Variants in KIF15 observed in about 807,000 individuals in gnomAD.
KIF15 encodes kinesin family member 15.
A neutral mutation model predicts 190.6 loss-of-function variants in KIF15; 140 were observed. The ratio of observed to expected loss-of-function variants is 0.73; its 90% confidence interval spans 0.64 to 0.84. The LOEUF is 0.84. Among genes scored for constraint, KIF15 ranks in the 40% least tolerant of loss-of-function variants. The probability of loss-of-function intolerance (pLI) is 0.00; values close to 1 mark genes in which losing one functional copy is unlikely to be tolerated. For synonymous variants in KIF15, 528 were observed against 551.3 expected (o/e 0.96, Z 0.59); for missense variants, 1,372 against 1,584.4 (o/e 0.87, Z 2.28).
At chr3:44,862,158 C>T (rs1024393460) in intron 6 of KIF15, 1 of 61,118 alleles carries the variant, frequency 1.6e-5, no homozygotes, top group Non-Finnish European at 3.0e-5. Context: ...TGCGGGCGGG[C>T]GGGCGGGGCG....
chr3:44,793,336 C>G (rs1575600531), intron 7 of KIF15, among the ~76,000 whole-genome samples: 1 of 152,094 alleles, frequency 6.6e-6, no homozygotes, highest in Non-Finnish European at 1.5e-5. Context: ...ACTTTGTAGA[C>G]CAAAAGCTTA....
Position 44,810,918 on chromosome 3 carries a change from A to G in KIF15, c.2044A>G (p.Ser682Gly), listed in dbSNP as rs1350624576. The G allele has an allele frequency of 6.2e-7, 1 of 1,613,894 alleles. No individual in the cohort carries two copies. The highest frequency in any genetic ancestry group is 1.3e-5 in the African/African-American group (1 of 74,908). ...ACCAAAATTAAGCCCTGAAATGGGAAGCTTTGGCTCTCTATACACTCAGAA... is the reference window on the plus strand; with the variant it reads ...ACCAAAATTAAGCCCTGAAATGGGAGGCTTTGGCTCTCTATACACTCAGAA... ...PVPKLSPEMGSFGSLYTQNSS... is the reference protein window; with the variant it reads ...PVPKLSPEMGGFGSLYTQNSS... Residue 682 changes from serine to glycine, a missense_variant, in exon 17 of 35, where the codon AGC becomes GGC. By Grantham distance (56) the Ser-to-Gly change is moderately conservative. Coordinates refer to ENST00000326047, the MANE Select transcript of KIF15 (RefSeq NM_020242.3).
intron 6 of KIF15, chr3:44,863,103 T>A (rs1354999260): frequency 1.3e-5 from 2 of 150,494 alleles, no homozygotes; most frequent in African/African-American, 4.9e-5. Flanking sequence ...GATTTATTAT[T>A]TTTTTTTTAG....
chr3:44,835,359 C>T (rs1189436962), intron 26 of KIF15, among the ~76,000 whole-genome samples: 1 of 152,104 alleles, frequency 6.6e-6, no homozygotes, highest in Non-Finnish European at 1.5e-5. Flanking sequence ...GCCACCTCAG[C>T]CTCCCAAGTA....
chr3:44,810,351 T>C (rs1244070678), intron 16 of KIF15, among the ~76,000 whole-genome samples: 1 of 152,024 alleles, frequency 6.6e-6, no homozygotes, highest in Non-Finnish European at 1.5e-5. Context: ...ACCTGGGCTC[T>C]GGGGATCCTC....
Position 44,801,466 on chromosome 3 carries a change from C to CCA in KIF15, c.1239_1240insCA (p.Tyr414HisfsTer23). 1 of 1,568,986 alleles carries CCA rather than the reference C, an allele frequency of 6.4e-7. No homozygotes were observed. The highest frequency in any genetic ancestry group is 8.8e-7 in the Non-Finnish European group (1 of 1,141,272). On this transcript the variant is annotated frameshift_variant, in exon 12 of 35. Transcript: ENST00000326047. LOFTEE classifies it high-confidence loss of function. The stretch of plus-strand genomic sequence containing the variant: ...CAATTACAGACAAAAAGAAGACTAA[C>CCA]TATATGGAGTATTTCCAGGAAGCAA...
At chr3:44,799,370 C>A (rs973933678) in intron 10 of KIF15, 3 of 455,646 alleles carry the variant, frequency 6.6e-6, no homozygotes, top group African/African-American at 6.0e-5. Flanking sequence ...TAAATTTTTC[C>A]GTGAGCAAAT....
chr3:44,826,373 A>C lies in KIF15; in HGVS notation c.2701-2A>C, dbSNP rs1395747768. 3.7e-6 allele frequency: 6 copies of C among 1,610,924 alleles called. No homozygotes were observed. Among genetic ancestry groups the C allele is most frequent in the Non-Finnish European group, 4.2e-6 (5 of 1,178,466 alleles). On this transcript the variant is annotated splice_acceptor_variant, in intron 21 of 34. Transcript: ENST00000326047. LOFTEE classifies it high-confidence loss of function. ...TACTTAAAATCTAATGTTGTCTTTT[A>C]GAATTTGATGGAGCTTCTTGAGGCA...
chr3:44,838,295 C>A lies in KIF15; in HGVS notation c.3192C>A (p.Asp1064Glu). 6.2e-7 allele frequency: 1 copy of A among 1,613,112 alleles called. No individual in the cohort carries two copies. The highest frequency in any genetic ancestry group is 1.3e-5 in the African/African-American group (1 of 74,948). ...EDIERDMLCE[D>E]LAHATEQLNM... ...AACAGAGGGATATGCTCTGTGAGGA[C>A]CTGGCTCATGCCACTGAGCAGCTGA... Residue 1064 changes from aspartate to glutamate, a missense_variant, in exon 27 of 35, where the codon GAC becomes GAA. Coordinates refer to ENST00000326047, the MANE Select transcript of KIF15 (RefSeq NM_020242.3).
intron 32 of KIF15, among the ~76,000 whole-genome samples, chr3:44,849,436 A>G (rs1698982659): frequency 6.6e-6 from 1 of 152,204 alleles, no homozygotes; most frequent in Non-Finnish European, 1.5e-5. Flanking sequence ...CAGTCTGGGC[A>G]ACATGGTGAA....
At chr3:44,825,731 C>A (rs556969155) in intron 20 of KIF15, among the ~76,000 whole-genome samples, 267 of 152,326 alleles carry the variant, frequency 1.8e-3, no homozygotes, top group Non-Finnish European at 2.9e-3. Flanking sequence ...AGTCTAATCA[C>A]TATAAATTGC....
intron 2 of KIF15, 42 bp from the exon 3 acceptor site, chr3:44,775,212 C>T: frequency 6.6e-7 from 1 of 1,503,890 alleles, no homozygotes; most frequent in Non-Finnish European, 9.1e-7. Context: ...CAGTTTTCTT[C>T]TTCAATAAAC....
chr3:44,778,925 A>G (rs1453314428), intron 4 of KIF15, among the ~76,000 whole-genome samples: 3 of 134,716 alleles, frequency 2.2e-5, no homozygotes, highest in Admixed American at 8.7e-5. Context: ...GGTTGCAGTG[A>G]GCCGAGATTG....
intron 1 of KIF15, among the ~76,000 whole-genome samples, chr3:44,763,492 G>T (rs994237607): frequency 6.6e-6 from 1 of 151,656 alleles, no homozygotes; most frequent in Non-Finnish European, 1.5e-5. Flanking sequence ...AGTAAAGCCG[G>T]GGTTTCACTG....
downstream of KIF15, among the ~76,000 whole-genome samples, chr3:44,853,896 G>T (rs1211356835): frequency 2.0e-5 from 3 of 152,114 alleles, no homozygotes; most frequent in Non-Finnish European, 4.4e-5. Flanking sequence ...AAACCCAAAA[G>T]ACCACATATT....
At chr3:44,767,839 G>A (rs1473093780) in intron 1 of KIF15, among the ~76,000 whole-genome samples, 3 of 146,422 alleles carry the variant, frequency 2.0e-5, no homozygotes, top group African/African-American at 7.6e-5. Context: ...AGCTTGCAGT[G>A]AGCGGAGATT....
intron 30 of KIF15, among the ~76,000 whole-genome samples, chr3:44,846,839 T>A (rs1426526645): frequency 6.6e-6 from 1 of 150,784 alleles, no homozygotes; most frequent in Non-Finnish European, 1.5e-5. Context: ...AAAGAGCTAC[T>A]CAGAACCTTC....
chr3:44,770,248 G>T (rs1332987025), intron 1 of KIF15, among the ~76,000 whole-genome samples: 4 of 152,190 alleles, frequency 2.6e-5, no homozygotes, highest in African/African-American at 4.8e-5. Flanking sequence ...TTGCAAAATA[G>T]ACTTTGGTCT....
At chr3:44,829,846 T>TA (rs1697977374) in intron 24 of KIF15, 125 bp from the exon 25 acceptor site, 1 of 225,364 alleles carries the variant, frequency 4.4e-6, no homozygotes, top group African/African-American at 2.4e-5. Flanking sequence ...TAATGTGACA[T>TA]ACGATCTTTT....
Sources: allele counts gnomAD v4.1 joint callset (sites outside exome capture counted in the v4.1 genomes callset), GRCh38; gene constraint gnomAD v4.1.1; transcripts MANE v1.5; gene names NCBI Gene and HGNC (gene_info 2026-07-23, HGNC 2026-07-21).